The following PBX3 variants were observed in gnomAD, a reference collection of about 807,000 sequenced individuals.
The protein encoded by PBX3 is pre-B-cell leukemia transcription factor 3.
In PBX3, 14 loss-of-function variants were observed where a neutral mutation model predicts 48.5. The observed-to-expected ratio is 0.29, with a 90% CI of 0.19 to 0.45. The LOEUF is 0.45. Among genes scored for constraint, PBX3 ranks in the 20% least tolerant of loss-of-function variants. The probability of loss-of-function intolerance (pLI) is 1.00; values close to 1 mark genes in which losing one functional copy is unlikely to be tolerated. For synonymous variants in PBX3, 210 were observed against 200.3 expected (o/e 1.05, Z -0.41); for missense variants, 386 against 546.7 (o/e 0.71, Z 2.93).
rs576132166 is a variant in PBX3 at position 125,822,850 on chromosome 9, T to G, written c.274+74227T>G. Among the ~76,000 whole-genome samples, 18 of 152,286 alleles carry G rather than the reference T, an allele frequency of 1.2e-4. No individual in the cohort carries two copies. The South Asian group carries it at 3.5e-3, about 30-fold the overall frequency. On this transcript the variant is annotated intron_variant, in intron 2 of 8. Coordinates refer to ENST00000373489, the MANE Select transcript of PBX3 (RefSeq NM_006195.6). ...ATAATACATTATGATACCCTCAACC[T>G]TAATTCAGTACTTCATACTTGTGAA...
chr9:125,848,008 A>C (rs769795317), intron 2 of PBX3, among the ~76,000 whole-genome samples: 2 of 152,036 alleles, frequency 1.3e-5, no homozygotes, highest in Non-Finnish European at 2.9e-5. Flanking sequence ...GTGCTAGGGT[A>C]GGCTGACCTA....
intron 2 of PBX3, among the ~76,000 whole-genome samples, chr9:125,840,793 T>C (rs989132486): frequency 6.6e-6 from 1 of 152,094 alleles, no homozygotes; most frequent in Non-Finnish European, 1.5e-5. Flanking sequence ...TCTTCTTCTT[T>C]CCTTTGAACC....
chr9:125,815,444 T>C (rs1170229787), intron 2 of PBX3, among the ~76,000 whole-genome samples: 6 of 152,216 alleles, frequency 3.9e-5, no homozygotes, highest in African/African-American at 7.2e-5. Flanking sequence ...CATAATTTCC[T>C]TCTCTTCCTC....
intron 2 of PBX3, among the ~76,000 whole-genome samples, chr9:125,782,404 C>A (rs548421420): frequency 6.6e-6 from 1 of 152,256 alleles, no homozygotes; most frequent in South Asian, 2.1e-4. Flanking sequence ...ACAGCCAAAC[C>A]ATATCATCTG....
chr9:125,842,404 G>T (rs988794464), intron 2 of PBX3, among the ~76,000 whole-genome samples: 2 of 152,140 alleles, frequency 1.3e-5, no homozygotes, highest in African/African-American at 4.8e-5. Context: ...ATGCATAAAA[G>T]AATTCACCCC....
chr9:125,780,957 G>T (rs571947519), intron 2 of PBX3, among the ~76,000 whole-genome samples: 1 of 122,122 alleles, frequency 8.2e-6, no homozygotes, highest in Admixed American at 8.2e-5. Flanking sequence ...CCTCCCAGAC[G>T]GGGTTGCGGC....
rs142613162 is a variant in PBX3 at position 125,856,451 on chromosome 9, G to A, written c.275-59235G>A. 2.8e-4 allele frequency among the ~76,000 whole-genome samples: 43 copies of A among 152,274 alleles called. 3 individuals are homozygous for A. Among genetic ancestry groups the A allele is most frequent in the Admixed American group, 2.4e-3 (36 of 15,294 alleles). On this transcript the variant is annotated intron_variant, in intron 2 of 8. Transcript: ENST00000373489. ...AATTAATAATTTGCATAATTAACACGCATATTAAATAGGGACTGGCCTTGC... is the reference window on the plus strand; with the variant it reads ...AATTAATAATTTGCATAATTAACACACATATTAAATAGGGACTGGCCTTGC...
rs147910292 is a variant in PBX3, at chr9:125,873,871, A to G, written c.275-41815A>G. On this transcript the variant is annotated intron_variant, in intron 2 of 8. Coordinates refer to ENST00000373489, the MANE Select transcript of PBX3 (RefSeq NM_006195.6). Reference sequence around the variant, plus strand: ...TAAAGAAAAAGAAAACAAAGATACAATGGAAAGCATCAACAAAGCAAAAGT... The same window carrying G: ...TAAAGAAAAAGAAAACAAAGATACAGTGGAAAGCATCAACAAAGCAAAAGT... Among the ~76,000 whole-genome samples, 274 of 152,294 alleles carry G rather than the reference A, an allele frequency of 1.8e-3. 3 individuals carry two copies. The highest frequency in any genetic ancestry group is 0.012 in the Admixed American group (187 of 15,296).
At chr9:125,756,111 T>G (rs1206118541) in intron 2 of PBX3, among the ~76,000 whole-genome samples, 1 of 152,146 alleles carries the variant, frequency 6.6e-6, no homozygotes, top group Non-Finnish European at 1.5e-5. Flanking sequence ...AAATGAGTAT[T>G]AACATTCTGA....
intron 5 of PBX3, among the ~76,000 whole-genome samples, chr9:125,939,811 A>C (rs913080992): frequency 6.6e-6 from 1 of 152,256 alleles, no homozygotes; most frequent in African/African-American, 2.4e-5. Flanking sequence ...AATACACGTA[A>C]CATAACATTT....
intron 2 of PBX3, among the ~76,000 whole-genome samples, chr9:125,804,679 C>T (rs1469301534): frequency 6.6e-6 from 1 of 152,094 alleles, no homozygotes; most frequent in Non-Finnish European, 1.5e-5. Flanking sequence ...TGGCTCATGC[C>T]TGTAATACCA....
At chr9:125,922,702 A>G (rs1382278323) in intron 3 of PBX3, among the ~76,000 whole-genome samples, 1 of 152,198 alleles carries the variant, frequency 6.6e-6, no homozygotes, top group Non-Finnish European at 1.5e-5. Context: ...AACAACTGCA[A>G]TCATTTGATC....
intron 2 of PBX3, among the ~76,000 whole-genome samples, chr9:125,780,553 GA>G (rs1837245142): frequency 4.1e-5 from 5 of 122,690 alleles, no homozygotes; most frequent in African/African-American, 6.1e-5. Context: ...GGTGGCTGGC[GA>G]GGCAGAGGGG....
At chr9:125,831,961 A>G (rs1454137522) in intron 2 of PBX3, among the ~76,000 whole-genome samples, 1 of 152,144 alleles carries the variant, frequency 6.6e-6, no homozygotes, top group Non-Finnish European at 1.5e-5. Context: ...ACAAAGGCCA[A>G]AATTTGAGCC....
At chr9:125,870,839 A>G (rs1840104454) in intron 2 of PBX3, among the ~76,000 whole-genome samples, 1 of 152,204 alleles carries the variant, frequency 6.6e-6, no homozygotes, top group African/African-American at 2.4e-5. Context: ...CATTGTTTAT[A>G]TACCAAATTG....
chr9:125,881,383 G>C (rs1840377708), intron 2 of PBX3, among the ~76,000 whole-genome samples: 1 of 152,138 alleles, frequency 6.6e-6, no homozygotes, highest in Non-Finnish European at 1.5e-5. Context: ...CTGTGTCACT[G>C]GCTGCTGACT....
chr9:125,876,077 A>C (rs1216783284), intron 2 of PBX3, among the ~76,000 whole-genome samples: 1 of 151,820 alleles, frequency 6.6e-6, no homozygotes, highest in Non-Finnish European at 1.5e-5. Flanking sequence ...TCCTCATATC[A>C]TTTTCTGTAG....
intron 2 of PBX3, among the ~76,000 whole-genome samples, chr9:125,750,301 C>A (rs1462450509): frequency 6.6e-6 from 1 of 152,158 alleles, no homozygotes; most frequent in African/African-American, 2.4e-5. Flanking sequence ...TCATCCCCTT[C>A]TCATTATTTG....
chr9:125,784,329 A>G (rs1388113878), intron 2 of PBX3, among the ~76,000 whole-genome samples: 2 of 152,030 alleles, frequency 1.3e-5, no homozygotes, highest in South Asian at 2.1e-4. Flanking sequence ...GGGTTTCGCC[A>G]TGTTGGCCAG....
Sources: gnomAD v4.1 joint callset for allele counts (sites outside exome capture counted in the v4.1 genomes callset) on GRCh38, gnomAD v4.1.1 for gene constraint, MANE v1.5 for transcripts, NCBI Gene and HGNC (gene_info 2026-07-23, HGNC 2026-07-21) for gene names.